Variants in CCDC73 observed in about 807,000 individuals in gnomAD.
CCDC73 encodes coiled-coil domain-containing protein 73.
A neutral mutation model predicts 116.5 loss-of-function variants in CCDC73; 95 were observed. That is an observed-to-expected ratio of 0.82 (90% CI 0.69 to 0.97). The LOEUF (loss-of-function observed/expected upper bound fraction) is 0.97. Among genes scored for constraint, CCDC73 ranks in the 50% least tolerant of loss-of-function variants. CCDC73 has a pLI of 0.00. For missense variants in CCDC73, 1,066 were observed against 1,206.8 expected, an observed-to-expected ratio of 0.88 and a Z score of 1.73; for synonymous variants, 398 against 401.3, an observed-to-expected ratio of 0.99 and a Z score of 0.10.
At chr11:32,729,276 T>G (rs751549936) in intron 2 of CCDC73, among the ~76,000 whole-genome samples, 14 of 152,192 alleles carry the variant, frequency 9.2e-5, no homozygotes, top group Non-Finnish European at 1.6e-4. Flanking sequence ...CAGTGTTTGG[T>G]TTTCTGTTGC....
intron 14 of CCDC73, among the ~76,000 whole-genome samples, chr11:32,618,206 C>G (rs967505383): frequency 1.3e-5 from 2 of 152,146 alleles, no homozygotes; most frequent in Admixed American, 1.3e-4. Context: ...AAGGACATGA[C>G]TGTATTCTTT....
intron 12 of CCDC73, 30 bp downstream of exon 12, chr11:32,653,093 T>TAGAC (rs753077568): frequency 3.5e-5 from 45 of 1,275,546 alleles, no homozygotes; most frequent in South Asian, 1.9e-4. Context: ...CACAGATAGA[T>TAGAC]AGACAGACAG....
At chr11:32,628,810 C>T (rs973484831) in intron 14 of CCDC73, among the ~76,000 whole-genome samples, 3 of 152,084 alleles carry the variant, frequency 2.0e-5, no homozygotes, top group Admixed American at 1.3e-4. Context: ...GAAAATGTTA[C>T]CTGTTATGTC....
chr11:32,729,556 T>G (rs901857218), intron 2 of CCDC73, among the ~76,000 whole-genome samples: 3 of 152,196 alleles, frequency 2.0e-5, no homozygotes, highest in Non-Finnish European at 4.4e-5. Context: ...ATGGGATTGG[T>G]GGGTCAAATG....
At chr11:32,725,318 T>C (rs1053352381) in intron 2 of CCDC73, among the ~76,000 whole-genome samples, 2 of 152,198 alleles carry the variant, frequency 1.3e-5, no homozygotes, top group African/African-American at 4.8e-5. Context: ...TGTTGTTAAC[T>C]TCTTATATAC....
chr11:32,650,587 G>C (rs1440127053), intron 12 of CCDC73, among the ~76,000 whole-genome samples: 1 of 152,122 alleles, frequency 6.6e-6, no homozygotes, highest in Non-Finnish European at 1.5e-5. Flanking sequence ...GTTAGTACTT[G>C]CTAACAGCTG....
chr11:32,703,761 C>T (rs1246264797), intron 3 of CCDC73, among the ~76,000 whole-genome samples: 2 of 152,078 alleles, frequency 1.3e-5, no homozygotes, highest in African/African-American at 4.8e-5. Context: ...CATATGATTC[C>T]ATTTCTTTTT....
chr11:32,743,746 C>T (rs916907951), intron 2 of CCDC73, among the ~76,000 whole-genome samples: 1 of 152,088 alleles, frequency 6.6e-6, no homozygotes, highest in Non-Finnish European at 1.5e-5. Context: ...GTGATTTTTG[C>T]ACATTGATTT....
rs149326342 is a variant in CCDC73 at position 32,646,259 on chromosome 11, C to G, written c.940-4177G>C. 9.2e-5 allele frequency among the ~76,000 whole-genome samples: 14 copies of G among 152,296 alleles called. No individual in the cohort carries two copies. The East Asian group carries it at 2.5e-3, about 27-fold the overall frequency. On this transcript the variant is annotated intron_variant, in intron 12 of 17. Coordinates refer to ENST00000335185, the MANE Select transcript of CCDC73 (RefSeq NM_001008391.4). ...ATTTTGACCTACTTCTCTCTGTCAG[C>G]TATACAAATTAGGTTATCTCTGAGG... is the stretch of plus-strand genomic sequence containing the variant.
intron 2 of CCDC73, among the ~76,000 whole-genome samples, chr11:32,732,405 G>A (rs1207002337): frequency 6.6e-6 from 1 of 151,974 alleles, no homozygotes; most frequent in Non-Finnish European, 1.5e-5. Flanking sequence ...TAAAATTCAG[G>A]AAATACAGAG....
chr11:32,710,563 T>C (rs573334962), intron 3 of CCDC73, among the ~76,000 whole-genome samples: 1 of 152,318 alleles, frequency 6.6e-6, no homozygotes, highest in South Asian at 2.1e-4. Flanking sequence ...TAATATAATT[T>C]TGATTTTCTT....
chr11:32,690,411 T>A (rs1856244881), intron 6 of CCDC73, among the ~76,000 whole-genome samples: 1 of 152,126 alleles, frequency 6.6e-6, no homozygotes, highest in Admixed American at 6.5e-5. Context: ...CCCCAATTAT[T>A]AACATCCCCC....
In CCDC73 at chr11:32,635,737, A is replaced by C; in HGVS notation, c.1144T>G (p.Leu382Val). Reference sequence around the variant, plus strand: ...TCCTCAAATGTTTTTTGATTGCATAATTTGTTATAATGTTCTTGTAACTTA... The same window carrying C: ...TCCTCAAATGTTTTTTGATTGCATACTTTGTTATAATGTTCTTGTAACTTA... ...HIKLQEHYNK[L>V]CNQKTFEEDK... The change falls in exon 14 of 18, where the codon TTA becomes GTA. Residue 382 changes from leucine (L) to valine (V), a missense_variant. Physicochemically the swap from Leu to Val is conservative, Grantham distance 32. Transcript: ENST00000335185. 7.7e-7 allele frequency: 1 copy of C among 1,304,636 alleles called. No homozygotes were observed. The highest frequency in any genetic ancestry group is 9.9e-7 in the Non-Finnish European group (1 of 1,007,870). 80.8% of individuals were successfully genotyped at this position (1,304,636 alleles called of 1,614,324 possible).
chr11:32,734,339 G>C (rs563114498), intron 2 of CCDC73, among the ~76,000 whole-genome samples: 1 of 151,910 alleles, frequency 6.6e-6, no homozygotes, highest in South Asian at 2.1e-4. Context: ...TTCTACCAGA[G>C]GTACAAAGAG....
At chr11:32,812,171 C>T in the CCDC73 span, among the ~76,000 whole-genome samples, 1 of 152,180 alleles carries the variant, frequency 6.6e-6, no homozygotes, top group African/African-American at 2.4e-5. Flanking sequence ...CCTGTTAATA[C>T]TTGGAAGTGT....
At chr11:32,620,610 CAAAAAAAAAA>C (rs57643752) in intron 14 of CCDC73, among the ~76,000 whole-genome samples, 2 of 61,340 alleles carry the variant, frequency 3.3e-5, no homozygotes, top group African/African-American at 7.0e-5. Context: ...GACTCAGTCT[CAAAAAAAAAA>C]AAAAAAAAAA....
intron 2 of CCDC73, among the ~76,000 whole-genome samples, chr11:32,750,790 T>C (rs746933964): frequency 6.6e-6 from 1 of 152,118 alleles, no homozygotes; most frequent in Non-Finnish European, 1.5e-5. Context: ...TAGAGCCCAC[T>C]TGGTGCTCTT....
chr11:32,812,670 CAAAA>C, the CCDC73 span, among the ~76,000 whole-genome samples: 2 of 103,086 alleles, frequency 1.9e-5, no homozygotes, highest in Non-Finnish European at 2.0e-5. Flanking sequence ...ACTACATCTC[CAAAA>C]AAAAAAAAAA....
intron 9 of CCDC73, among the ~76,000 whole-genome samples, chr11:32,660,497 C>G (rs1431256616): frequency 6.6e-6 from 1 of 151,838 alleles, no homozygotes; most frequent in Non-Finnish European, 1.5e-5. Flanking sequence ...ATATATAAAA[C>G]AGGAAAAGCA....
Sources: allele counts gnomAD v4.1 joint callset (sites outside exome capture counted in the v4.1 genomes callset), GRCh38; gene constraint gnomAD v4.1.1; transcripts MANE v1.5; gene names NCBI Gene and HGNC (gene_info 2026-07-23, HGNC 2026-07-21).